The following NGLY1 variants were observed in gnomAD, a reference collection of about 807,000 sequenced individuals.
NGLY1 encodes N-glycanase 1.
NGLY1 carries 68 observed loss-of-function variants against 84.6 expected under a neutral mutation model. The observed-to-expected ratio is 0.80, with a 90% CI of 0.66 to 0.98. The LOEUF is 0.98. NGLY1 is among the 50% of genes least tolerant of loss of function. The probability of loss-of-function intolerance (pLI) is 0.00; values close to 1 mark genes in which losing one functional copy is unlikely to be tolerated. For synonymous variants in NGLY1, 280 were observed against 275.2 expected, an observed-to-expected ratio of 1.02 and a Z score of -0.17; for missense variants, 779 against 770.2, an observed-to-expected ratio of 1.01 and a Z score of -0.14.
intron 8 of NGLY1, among the ~76,000 whole-genome samples, chr3:25,732,715 G>A (rs1228989810): frequency 6.6e-6 from 1 of 152,136 alleles, no homozygotes; most frequent in Non-Finnish European, 1.5e-5. Flanking sequence ...AACTCTCCAT[G>A]AGCTCTACTG....
chr3:25,744,745 A>C (rs902092354), intron 4 of NGLY1, among the ~76,000 whole-genome samples: 4 of 152,250 alleles, frequency 2.6e-5, no homozygotes, highest in Non-Finnish European at 5.9e-5. Flanking sequence ...TCAAGAGAAG[A>C]AGCTCAAATT....
chr3:25,761,596 A>C (rs1707326360), intron 3 of NGLY1, among the ~76,000 whole-genome samples: 2 of 152,230 alleles, frequency 1.3e-5, no homozygotes, highest in African/African-American at 4.8e-5. Context: ...GGGAAGCCTC[A>C]CATATTTCTG....
At chr3:25,719,726 A>G in intron 11 of NGLY1, 91 bp from the exon 12 acceptor site, 10 of 944,458 alleles carry the variant, frequency 1.1e-5, no homozygotes, top group Non-Finnish European at 1.4e-5. Flanking sequence ...AGGCTGATGT[A>G]TAAGTTAAAA....
intron 3 of NGLY1, chr3:25,755,506 T>G (rs1374946911): frequency 2.1e-6 from 3 of 1,459,392 alleles, no homozygotes; most frequent in Admixed American, 3.3e-5. Flanking sequence ...TCCACACCTG[T>G]CAAACCAGTT....
chr3:25,734,112 G>A, intron 7 of NGLY1, 130 bp from the exon 8 acceptor site: 1 of 1,306,982 alleles, frequency 7.7e-7, no homozygotes, highest in African/African-American at 1.5e-5. Flanking sequence ...TGTTGTCCAG[G>A]CTAGAGTGCA....
chr3:25,749,364 G>A (rs1046510190), intron 4 of NGLY1: 8 of 604,378 alleles, frequency 1.3e-5, no homozygotes, highest in African/African-American at 1.3e-4. Context: ...ATGAATAAAT[G>A]AATAAATGGA....
upstream of NGLY1, among the ~76,000 whole-genome samples, chr3:25,785,800 CAGAT>C (rs1389947647): frequency 6.6e-6 from 1 of 152,236 alleles, no homozygotes; most frequent in Non-Finnish European, 1.5e-5. Context: ...TTTCCCCTGA[CAGAT>C]AGAATGGTCA....
exon 1 of NGLY1, chr3:25,789,925 C>G: frequency 1.3e-6 from 2 of 1,550,230 alleles, no homozygotes; most frequent in Non-Finnish European, 8.7e-7. Flanking sequence ...AGGGGCGTCT[C>G]TGCTCACGCA....
intron 2 of NGLY1, 125 bp downstream of exon 2, chr3:25,778,449 C>T (rs990342180): frequency 4.0e-6 from 2 of 494,110 alleles, no homozygotes; most frequent in African/African-American, 4.0e-5. Context: ...GAAGAAATAA[C>T]TACTTCTACT....
chr3:25,747,726 C>T (rs1469179663), intron 4 of NGLY1, among the ~76,000 whole-genome samples: 1 of 152,144 alleles, frequency 6.6e-6, no homozygotes, highest in East Asian at 1.9e-4. Flanking sequence ...AGTGAATTAT[C>T]ACCCCAAAGT....
At chr3:25,758,752 C>A (rs1348549137) in intron 3 of NGLY1, among the ~76,000 whole-genome samples, 1 of 151,746 alleles carries the variant, frequency 6.6e-6, no homozygotes, top group Admixed American at 6.6e-5. Context: ...ACTGATAGGG[C>A]ATATAATTAA....
At chr3:25,756,055 TA>T (rs1423864672) in intron 3 of NGLY1, among the ~76,000 whole-genome samples, 2 of 152,240 alleles carry the variant, frequency 1.3e-5, no homozygotes, top group East Asian at 3.8e-4. Context: ...TATAAGGTAA[TA>T]TAGCCACTTT....
intron 4 of NGLY1, 119 bp downstream of exon 4, chr3:25,750,979 T>C (rs1326812351): frequency 3.1e-6 from 3 of 973,408 alleles, no homozygotes; most frequent in African/African-American, 3.3e-5. Context: ...AGAATCCACA[T>C]ATAAGTGGAC....
chr3:25,779,135 C>T lies in NGLY1; in HGVS notation c.132-447G>A, dbSNP rs138501718. Among the ~76,000 whole-genome samples the T allele has an allele frequency of 3.2e-3, 483 of 152,000 alleles. 3 individuals carry two copies. The highest frequency in any genetic ancestry group is 0.011 in the African/African-American group (456 of 41,464). ...TTTTTTAAGTAGAGACAGGGTTTCACCATGTCGACCAGGCTGGTCTCGAAC... is the reference window on the plus strand; with the variant it reads ...TTTTTTAAGTAGAGACAGGGTTTCATCATGTCGACCAGGCTGGTCTCGAAC... On this transcript the variant is annotated intron_variant, in intron 1 of 11. Coordinates refer to ENST00000280700, the MANE Select transcript of NGLY1 (RefSeq NM_018297.4).
intron 4 of NGLY1, among the ~76,000 whole-genome samples, chr3:25,747,944 G>A (rs992008841): frequency 1.4e-4 from 22 of 152,266 alleles, no homozygotes; most frequent in Admixed American, 3.3e-4. Context: ...AAGCCCACCA[G>A]GTTTTCACAA....
chr3:25,766,621 G>C (rs769338126), intron 2 of NGLY1, among the ~76,000 whole-genome samples: 1 of 152,252 alleles, frequency 6.6e-6, no homozygotes, highest in East Asian at 1.9e-4. Context: ...ACCTTAGAAA[G>C]AATCTTCTTA....
upstream of NGLY1, among the ~76,000 whole-genome samples, chr3:25,783,772 G>A (rs534956977): frequency 2.0e-5 from 3 of 152,248 alleles, no homozygotes; most frequent in Non-Finnish European, 4.4e-5. This position sits in a 1 kb window ranked among gnomAD's most constrained non-coding sequence, Gnocchi z 4.5. Context: ...TGGTCGTACA[G>A]GTTGGGAAGG....
chr3:25,757,272 T>C (rs947810838), intron 3 of NGLY1, among the ~76,000 whole-genome samples: 1 of 152,180 alleles, frequency 6.6e-6, no homozygotes, highest in Non-Finnish European at 1.5e-5. Context: ...AGGATATCAT[T>C]ACTTGAATGT....
Position 25,737,464 on chromosome 3 carries a change from A to G in NGLY1, c.882-9T>C. The G allele has an allele frequency of 6.3e-7, 1 of 1,575,908 alleles. No individual in the cohort carries two copies. The highest frequency in any genetic ancestry group is 8.6e-7 in the Non-Finnish European group (1 of 1,157,472). ...TCTCAGGGTTATTATATCTGGTTTA[A>G]AAAGAAAAAAAACCTTAATTATCAA... On this transcript the variant is annotated splice_polypyrimidine_tract_variant and intron_variant, in intron 5 of 11. Coordinates refer to ENST00000280700, the MANE Select transcript of NGLY1 (RefSeq NM_018297.4).
Sources: gnomAD v4.1 joint callset for allele counts (sites outside exome capture counted in the v4.1 genomes callset) on GRCh38, gnomAD v4.1.1 for gene constraint, Gnocchi (gnomAD v3.1) non-coding constraint, MANE v1.5 for transcripts, NCBI Gene and HGNC (gene_info 2026-07-23, HGNC 2026-07-21) for gene names.